FSD2: variants seen among roughly 807,000 people sequenced by gnomAD.
FSD2 encodes fibronectin type III and SPRY domain containing 2.
In FSD2, 71 loss-of-function variants were observed where a neutral mutation model predicts 80.4. That is an observed-to-expected ratio of 0.88 (90% CI 0.73 to 1.08). The LOEUF is 1.08. FSD2 is among the 50% of genes least tolerant of loss of function. FSD2 has a pLI of 0.00. For synonymous variants in FSD2, 361 were observed against 329.5 expected (o/e 1.10, Z -1.03); for missense variants, 923 against 913.8 (o/e 1.01, Z -0.13).
At chr15:82,802,246 C>T (rs1283229567) in intron 1 of FSD2, among the ~76,000 whole-genome samples, 2 of 152,140 alleles carry the variant, frequency 1.3e-5, no homozygotes, top group Non-Finnish European at 1.5e-5. Flanking sequence ...AGCAAGTCTC[C>T]CCCTCCATAC....
intron 5 of FSD2, among the ~76,000 whole-genome samples, chr15:82,779,490 C>T (rs1033846387): frequency 6.6e-6 from 1 of 151,980 alleles, no homozygotes; most frequent in Non-Finnish European, 1.5e-5. Context: ...CATGGTGAAA[C>T]TCCGTCTCTA....
In FSD2 at chr15:82,772,129, C is replaced by G; in HGVS notation, c.1211G>C (p.Ser404Thr). 1 of 1,608,982 alleles carries G rather than the reference C, an allele frequency of 6.2e-7. No homozygotes were observed. The highest frequency in any genetic ancestry group is 1.1e-5 in the South Asian group (1 of 89,950). ...WSLYSDDTVE[S>T]YQLSYRPVQD... ...CACTGGCCGGTAGGACAGCTGATAG[C>G]TCTCCACAGTGTCGTCGGAGTATAA... Residue 404 changes from serine (S) to threonine (T), a missense_variant, in exon 7 of 13, where the codon AGC becomes ACC. By Grantham distance (58) the Ser-to-Thr change is moderately conservative. Coordinates refer to ENST00000334574, the MANE Select transcript of FSD2 (RefSeq NM_001007122.4).
chr15:82,798,883 T>TG, intron 1 of FSD2, among the ~76,000 whole-genome samples: 1 of 148,912 alleles, frequency 6.7e-6, no homozygotes, highest in Non-Finnish European at 1.5e-5. Context: ...GTTTTGTTTT[T>TG]TTTTTTTTTT....
intron 1 of FSD2, among the ~76,000 whole-genome samples, chr15:82,788,378 C>T (rs374726566): frequency 6.7e-6 from 1 of 149,888 alleles, no homozygotes; most frequent in Non-Finnish European, 1.5e-5. Flanking sequence ...GTGGTGTGCA[C>T]GTGTGGTCCC....
rs375365547 is a variant in FSD2, at chr15:82,786,774, T to C, written c.617A>G (p.Asn206Ser). Reference sequence around the variant, plus strand: ...TACCTTGGCACTTTCCAGTGCTTCATTGAGTGGGATCACTTCATGCTCCTT... The same window carrying C: ...TACCTTGGCACTTTCCAGTGCTTCACTGAGTGGGATCACTTCATGCTCCTT... ...EHKEHEVIPL[N>S]EALESAKDEI... Residue 206 changes from asparagine to serine, a missense_variant, in exon 2 of 13, where the codon AAT becomes AGT. Coordinates refer to ENST00000334574, the MANE Select transcript of FSD2 (RefSeq NM_001007122.4). 2.5e-6 allele frequency: 4 copies of C among 1,613,686 alleles called. No individual in the cohort carries two copies. Among genetic ancestry groups the C allele is most frequent in the Non-Finnish European group, 1.7e-6 (2 of 1,179,784 alleles).
Position 82,786,609 on chromosome 15 carries a change from A to G in FSD2, c.640-3T>C. On this transcript the variant is annotated splice_region_variant and splice_polypyrimidine_tract_variant and intron_variant, in intron 2 of 12. Transcript: ENST00000334574. ...TACATGTTTTTGTGAATTTCATCCTATCCAACAGAGGATCACAAAGAAGGT... is the reference window on the plus strand; with the variant it reads ...TACATGTTTTTGTGAATTTCATCCTGTCCAACAGAGGATCACAAAGAAGGT... 6.2e-7 allele frequency: 1 copy of G among 1,612,396 alleles called. No individual in the cohort carries two copies. Among genetic ancestry groups the G allele is most frequent in the Non-Finnish European group, 8.5e-7 (1 of 1,178,600 alleles).
Position 82,759,239 on chromosome 15 carries a change from TA to T in FSD2, c.*108del. The T allele has an allele frequency of 8.4e-7, 1 of 1,192,382 alleles. No individual in the cohort carries two copies. Among genetic ancestry groups the T allele is most frequent in the Non-Finnish European group, 1.2e-6 (1 of 864,524 alleles). The allele number at this position is 1,192,382 out of a possible 1,614,324, so 73.9% of individuals were successfully genotyped here. Reference sequence around the variant, plus strand: ...ACCAGTCAGATAATAGCATGAGCCATAAATTGTGCTGGGCACATGGTGCTTA... The same window carrying T: ...ACCAGTCAGATAATAGCATGAGCCATAATTGTGCTGGGCACATGGTGCTTA... On this transcript the variant is annotated 3_prime_UTR_variant, in exon 13 of 13. Coordinates refer to ENST00000334574, the MANE Select transcript of FSD2 (RefSeq NM_001007122.4).
chr15:82,796,909 G>A (rs867611420), intron 1 of FSD2, among the ~76,000 whole-genome samples: 2 of 151,512 alleles, frequency 1.3e-5, no homozygotes, highest in Middle Eastern at 3.4e-3. Flanking sequence ...GAGGCTTCAT[G>A]TAGATTCTTT....
intron 7 of FSD2, among the ~76,000 whole-genome samples, chr15:82,770,377 C>A (rs1446371555): frequency 1.3e-5 from 2 of 152,178 alleles, no homozygotes; most frequent in Non-Finnish European, 2.9e-5. Flanking sequence ...CACAGAATTA[C>A]AAGAAATAAT....
At position 82,778,786 on chromosome 15, in the gene FSD2, C is replaced by G. The variant is rs771855374; in HGVS notation, c.1091G>C (p.Gly364Ala). The G allele has an allele frequency of 5.0e-6, 8 of 1,612,284 alleles. No homozygotes were observed. Among genetic ancestry groups the G allele is most frequent in the African/African-American group, 4.0e-5 (3 of 74,888 alleles). The change falls in exon 6 of 13, where the codon GGC (glycine) becomes GCC (alanine). Residue 364 changes from glycine (G) to alanine (A), a missense_variant. Coordinates refer to ENST00000334574, the MANE Select transcript of FSD2 (RefSeq NM_001007122.4). ...LDFSDVEQLMGSINTIPAPSA... is the reference protein window; with the variant it reads ...LDFSDVEQLMASINTIPAPSA... The stretch of plus-strand genomic sequence containing the variant: ...AGCACCTGGAATGGTGTTAATGGAG[C>G]CCATCAGCTGCTCCACATCAGAGAA...
At chr15:82,787,954 A>G (rs2151522523) in intron 1 of FSD2, among the ~76,000 whole-genome samples, 1 of 151,930 alleles carries the variant, frequency 6.6e-6, no homozygotes, top group East Asian at 1.9e-4. Flanking sequence ...TTATTTTTGT[A>G]TTTTTGGTAG....
Position 82,790,206 on chromosome 15 carries a change from CAACA to C in FSD2, c.-78-2742_-78-2739del, listed in dbSNP as rs1363307030. 8.3e-3 allele frequency among the ~76,000 whole-genome samples: 1,114 copies of C among 134,400 alleles called. 15 individuals carry two copies. The highest frequency in any genetic ancestry group is 0.028 in the African/African-American group (1,035 of 36,836). 88.2% of individuals were successfully genotyped at this position (134,400 alleles called of 152,430 possible). Reference sequence around the variant, plus strand: ...ACAACAACGACAACAACAACAACAACAACAAACAAACAAACAGTTCTCTGATGGC... The same window carrying C: ...ACAACAACGACAACAACAACAACAACAACAAACAAACAGTTCTCTGATGGC... On this transcript the variant is annotated intron_variant, in intron 1 of 12. Coordinates refer to ENST00000334574, the MANE Select transcript of FSD2 (RefSeq NM_001007122.4).
At chr15:82,761,685 A>AC (rs2049299198) in intron 12 of FSD2, among the ~76,000 whole-genome samples, 1 of 141,856 alleles carries the variant, frequency 7.0e-6, no homozygotes, top group East Asian at 2.0e-4. Flanking sequence ...TTATTTTATT[A>AC]TTTTTTTTTT....
chr15:82,796,326 T>TTGTGG (rs2050269465), intron 1 of FSD2: 1 of 153,818 alleles, frequency 6.5e-6, no homozygotes, highest in Non-Finnish European at 1.5e-5. Flanking sequence ...ACCCACATCA[T>TTGTGG]GGCAAACGGA....
intron 1 of FSD2, chr15:82,796,509 C>T (rs2050275219): frequency 6.5e-6 from 1 of 153,788 alleles, no homozygotes; most frequent in Non-Finnish European, 1.5e-5. Flanking sequence ...TCATGAGAGA[C>T]TCTGAGCCAC....
At chr15:82,792,142 A>G (rs1323612742) in intron 1 of FSD2, among the ~76,000 whole-genome samples, 1 of 152,218 alleles carries the variant, frequency 6.6e-6, no homozygotes, top group Non-Finnish European at 1.5e-5. Context: ...TCAGAGTGGG[A>G]TCACTGGGTC....
chr15:82,760,703 T>C lies in FSD2; in HGVS notation c.1998-1103A>G, dbSNP rs1042462278. ...ATCCTAGGATACCTTACCTTCATTCTCCACTTGTAACGTGTGTGCACGTGT... is the reference window on the plus strand; with the variant it reads ...ATCCTAGGATACCTTACCTTCATTCCCCACTTGTAACGTGTGTGCACGTGT... On this transcript the variant is annotated intron_variant, in intron 12 of 12. Transcript: ENST00000334574. 6.6e-5 allele frequency among the ~76,000 whole-genome samples: 10 copies of C among 150,614 alleles called. 1 individual carries two copies.
At chr15:82,766,342 C>G (rs2049421004) in intron 9 of FSD2, among the ~76,000 whole-genome samples, 1 of 152,170 alleles carries the variant, frequency 6.6e-6, no homozygotes. Context: ...ATGGAGTGTG[C>G]ATGCAGTAGA....
intron 1 of FSD2, among the ~76,000 whole-genome samples, chr15:82,797,037 AAAAAC>A (rs2050291350): frequency 6.8e-6 from 1 of 146,878 alleles, no homozygotes; most frequent in Non-Finnish European, 1.5e-5. Flanking sequence ...AAAAAAAAAA[AAAAAC>A]ACCTCCAGGG....
Sources: gnomAD v4.1 joint callset for allele counts (sites outside exome capture counted in the v4.1 genomes callset) on GRCh38, gnomAD v4.1.1 for gene constraint, MANE v1.5 for transcripts, NCBI Gene and HGNC (gene_info 2026-07-23, HGNC 2026-07-21) for gene names.